PRPF4: variants seen among roughly 807,000 people sequenced by gnomAD.
PRPF4 encodes the protein pre-mRNA splicing tri-snRNP complex factor PRPF4.
PRPF4 carries 14 observed loss-of-function variants against 72.2 expected under a neutral mutation model. The observed-to-expected ratio is 0.19, with a 90% CI of 0.13 to 0.30. The LOEUF is 0.30. Among genes scored for constraint, PRPF4 ranks in the 10% least tolerant of loss-of-function variants. The pLI, the probability that PRPF4 is intolerant of heterozygous loss-of-function variation, is 1.00. For missense variants in PRPF4, 478 were observed against 653.9 expected (o/e 0.73, Z 2.93); for synonymous variants, 225 against 232.2 (o/e 0.97, Z 0.28).
intron 1 of PRPF4, 116 bp from the exon 2 acceptor site, chr9:113,276,432 C>G (rs1212999021): frequency 1.1e-5 from 13 of 1,177,108 alleles, no homozygotes; most frequent in African/African-American, 1.5e-5. Flanking sequence ...CCAATTTGTC[C>G]TTTCAATTAC....
intron 10 of PRPF4, 145 bp downstream of exon 10, chr9:113,288,409 G>T: frequency 3.0e-6 from 2 of 672,154 alleles, no homozygotes; most frequent in Non-Finnish European, 5.0e-6. Flanking sequence ...AGAGGAGAAT[G>T]TTTAATATAG....
At chr9:113,289,179 A>G (rs750320126) in intron 10 of PRPF4, among the ~76,000 whole-genome samples, 9 of 152,218 alleles carry the variant, frequency 5.9e-5, no homozygotes, top group Admixed American at 1.3e-4. Context: ...ATGTTGTTGC[A>G]TGTATCAGTA....
At chr9:113,285,625 G>A (rs775140466) in intron 7 of PRPF4, among the ~76,000 whole-genome samples, 84 of 151,490 alleles carry the variant, frequency 5.5e-4, no homozygotes, top group Non-Finnish European at 9.9e-4. Flanking sequence ...TGATCTGCCC[G>A]CCTTGGCCTC....
chr9:113,290,645 C>T lies in PRPF4; in HGVS notation c.1146-55C>T, dbSNP rs938964699. 24 of 1,613,962 alleles carry T rather than the reference C, an allele frequency of 1.5e-5. No individual in the cohort carries two copies. In the Middle Eastern group the frequency reaches 9.9e-4, roughly 66 times the overall value. On this transcript the variant is annotated intron_variant, in intron 11 of 13. Coordinates refer to ENST00000374198, the MANE Select transcript of PRPF4 (RefSeq NM_001244926.2). ...TCAGTACTCTCACCTCTTACCTATA[C>T]CTGCTTCCACAGAGAACTGGATTCA...
intron 7 of PRPF4, among the ~76,000 whole-genome samples, chr9:113,285,568 C>T (rs1298837163): frequency 5.3e-5 from 8 of 151,136 alleles, no homozygotes; most frequent in South Asian, 2.1e-4. Context: ...TTAGTAGAGA[C>T]AGGGTTTCAC....
chr9:113,282,578 AGT>A (rs1832313895), intron 3 of PRPF4, 66 bp from the exon 4 acceptor site: 1 of 1,225,254 alleles, frequency 8.2e-7, no homozygotes, highest in Non-Finnish European at 1.2e-6. Flanking sequence ...ACTGTGTTAA[AGT>A]GTACTTTAAA....
chr9:113,279,785 C>A (rs1832221154), intron 3 of PRPF4, among the ~76,000 whole-genome samples: 1 of 152,170 alleles, frequency 6.6e-6, no homozygotes, highest in Non-Finnish European at 1.5e-5. Flanking sequence ...TGTTGTTGGG[C>A]TTTGAAAATT....
At chr9:113,289,988 G>A (rs951718258) in intron 10 of PRPF4, among the ~76,000 whole-genome samples, 39 of 152,202 alleles carry the variant, frequency 2.6e-4, no homozygotes, top group Non-Finnish European at 5.3e-4. Flanking sequence ...GGAAGACCAC[G>A]GTGGGTGGAT....
In PRPF4 at chr9:113,290,873, C is replaced by T. The variant is rs1350767328; in HGVS notation, c.1254-25C>T. 3 of 1,612,756 alleles carry T rather than the reference C, an allele frequency of 1.9e-6. No individual in the cohort carries two copies. In the East Asian group the frequency reaches 6.7e-5, roughly 36 times the overall value. On this transcript the variant is annotated intron_variant, in intron 12 of 13. Coordinates refer to ENST00000374198, the MANE Select transcript of PRPF4 (RefSeq NM_001244926.2). ...GGGTCAGTAAGTACTCTATTTCTAA[C>T]TTCAATACTGCATCCAATCCACAGC...
chr9:113,283,687 A>T (rs1024944555), intron 6 of PRPF4, among the ~76,000 whole-genome samples: 4 of 152,104 alleles, frequency 2.6e-5, no homozygotes, highest in Non-Finnish European at 4.4e-5. Flanking sequence ...CTATGGTTCT[A>T]TTCTTTATTT....
At chr9:113,284,961 C>T (rs1832391621) in intron 7 of PRPF4, among the ~76,000 whole-genome samples, 1 of 152,036 alleles carries the variant, frequency 6.6e-6, no homozygotes, top group African/African-American at 2.4e-5. Context: ...TGGGACATGG[C>T]TATCTAATGA....
At chr9:113,288,293 T>C in intron 10 of PRPF4, 29 bp downstream of exon 10, 2 of 1,599,138 alleles carry the variant, frequency 1.3e-6, no homozygotes, top group Non-Finnish European at 1.7e-6. Flanking sequence ...GTTTTATCCA[T>C]ATAGGCCTGT....
chr9:113,280,211 A>C (rs1832235403), intron 3 of PRPF4, among the ~76,000 whole-genome samples: 1 of 152,072 alleles, frequency 6.6e-6, no homozygotes, highest in South Asian at 2.1e-4. Context: ...CACTCTCCTA[A>C]TAACAAATCC....
At chr9:113,282,784 T>C in intron 4 of PRPF4, 51 bp downstream of exon 4, 1 of 1,380,184 alleles carries the variant, frequency 7.2e-7, no homozygotes, top group Non-Finnish European at 1.0e-6. Flanking sequence ...AATGAGGGGA[T>C]AGGTCTCTCG....
At chr9:113,284,808 T>C (rs1353691020) in intron 7 of PRPF4, among the ~76,000 whole-genome samples, 1 of 152,256 alleles carries the variant, frequency 6.6e-6, no homozygotes, top group African/African-American at 2.4e-5. Flanking sequence ...GCATTTTGCC[T>C]TGACAGTGCC....
chr9:113,282,184 C>T (rs772224496), intron 3 of PRPF4, among the ~76,000 whole-genome samples: 19 of 152,244 alleles, frequency 1.2e-4, no homozygotes, highest in African/African-American at 3.8e-4. Context: ...AAAGAAGGTT[C>T]CTGGAGGGCC....
intron 2 of PRPF4, 136 bp downstream of exon 2, chr9:113,276,861 C>T: frequency 9.9e-7 from 1 of 1,014,708 alleles, no homozygotes; most frequent in South Asian, 1.6e-5. Context: ...TGTCGCCAGG[C>T]TGGAGTGCAG....
intron 3 of PRPF4, among the ~76,000 whole-genome samples, chr9:113,280,688 G>T (rs992860669): frequency 9.2e-5 from 14 of 152,110 alleles, no homozygotes; most frequent in Non-Finnish European, 1.9e-4. Flanking sequence ...TCTTACCATG[G>T]TCTGTAAGGT....
intron 2 of PRPF4, among the ~76,000 whole-genome samples, chr9:113,276,955 C>CA (rs1188082947): frequency 6.6e-6 from 1 of 151,906 alleles, no homozygotes; most frequent in Non-Finnish European, 1.5e-5. Flanking sequence ...GCTGGGATTA[C>CA]AGGCGCACAC....
Sources: gnomAD v4.1 joint callset for allele counts (sites outside exome capture counted in the v4.1 genomes callset) on GRCh38, gnomAD v4.1.1 for gene constraint, MANE v1.5 for transcripts, NCBI Gene and HGNC (gene_info 2026-07-23, HGNC 2026-07-21) for gene names.